LEF1: variants seen among roughly 807,000 people sequenced by gnomAD.
LEF1 encodes the protein lymphoid enhancer binding factor 1, also known as lymphoid enhancer-binding factor 1.
In LEF1, 14 loss-of-function variants were observed where a neutral mutation model predicts 51.2. The ratio of observed to expected loss-of-function variants is 0.27; its 90% confidence interval spans 0.18 to 0.43. The LOEUF (loss-of-function observed/expected upper bound fraction) is 0.43, where lower values mean the gene tolerates loss of function less well. Among genes scored for constraint, LEF1 ranks in the 20% least tolerant of loss-of-function variants. The pLI is 1.00. For synonymous variants in LEF1, 185 were observed against 183.2 expected, an observed-to-expected ratio of 1.01 and a Z score of -0.08; for missense variants, 386 against 512.0, an observed-to-expected ratio of 0.75 and a Z score of 2.37.
At chr4:108,112,661 A>G (rs1431285401) in intron 3 of LEF1, among the ~76,000 whole-genome samples, 1 of 152,214 alleles carries the variant, frequency 6.6e-6, no homozygotes, top group East Asian at 1.9e-4. Context: ...AAGTTCTTAG[A>G]ATGATTTCTG....
intron 11 of LEF1, among the ~76,000 whole-genome samples, chr4:108,059,823 C>G (rs893283670): frequency 1.3e-5 from 2 of 152,124 alleles, no homozygotes; most frequent in Non-Finnish European, 2.9e-5. Flanking sequence ...CCACCTCAGC[C>G]TCGCCAGTAG....
intron 8 of LEF1, among the ~76,000 whole-genome samples, chr4:108,077,958 C>T (rs1048777740): frequency 6.6e-6 from 1 of 152,196 alleles, no homozygotes; most frequent in African/African-American, 2.4e-5. Context: ...GGAGGATCGC[C>T]TGAACCCAGG....
chr4:108,150,709 T>C (rs1328250410), intron 3 of LEF1, among the ~76,000 whole-genome samples: 1 of 152,138 alleles, frequency 6.6e-6, no homozygotes, highest in Non-Finnish European at 1.5e-5. Flanking sequence ...CTTATTAAAC[T>C]CTGGTTGGGA....
At chr4:108,166,244 C>A (rs775226592) in intron 1 of LEF1, 96 of 1,534,762 alleles carry the variant, frequency 6.3e-5, no homozygotes, top group Non-Finnish European at 7.7e-5. Context: ...TGAACGCAGG[C>A]CCCCAGCCTT....
At chr4:108,147,456 GT>G (rs997427956) in intron 3 of LEF1, among the ~76,000 whole-genome samples, 1 of 152,108 alleles carries the variant, frequency 6.6e-6, no homozygotes, top group African/African-American at 2.4e-5. Context: ...AGAGGCCTCT[GT>G]TTTTTCCTTA....
In LEF1 at chr4:108,101,933, G is replaced by A. The variant is rs959117967; in HGVS notation, c.415-12676C>T. Among the ~76,000 whole-genome samples, 7 of 151,944 alleles carry A rather than the reference G, an allele frequency of 4.6e-5. No homozygotes were observed. In the East Asian group the frequency reaches 5.8e-4, roughly 13 times the overall value. On this transcript the variant is annotated intron_variant, in intron 3 of 11. Coordinates refer to ENST00000265165, the MANE Select transcript of LEF1 (RefSeq NM_016269.5). Reference sequence around the variant, plus strand: ...AAATTAGCCAGACATGGTGGCATGCGCCTGTAGTCCCAGCTACTTGGAAGG... The same window carrying A: ...AAATTAGCCAGACATGGTGGCATGCACCTGTAGTCCCAGCTACTTGGAAGG...
chr4:108,116,202 C>A (rs1741833527), intron 3 of LEF1, among the ~76,000 whole-genome samples: 1 of 151,966 alleles, frequency 6.6e-6, no homozygotes, highest in African/African-American at 2.4e-5. Context: ...ACTCAGCTGA[C>A]AGGAAAGAGA....
At chr4:108,101,037 T>G (rs962760584) in intron 3 of LEF1, among the ~76,000 whole-genome samples, 2 of 152,306 alleles carry the variant, frequency 1.3e-5, no homozygotes, top group Non-Finnish European at 2.9e-5. Context: ...CTCTGTCTGG[T>G]TCCTTGCCTT....
chr4:108,157,195 C>T (rs1198849467), intron 3 of LEF1, among the ~76,000 whole-genome samples: 59 of 149,818 alleles, frequency 3.9e-4, no homozygotes, highest in East Asian at 2.5e-3. Flanking sequence ...CACACACACA[C>T]ACACACACAC....
chr4:108,061,611 A>C (rs1200658256), intron 11 of LEF1, among the ~76,000 whole-genome samples: 3 of 150,002 alleles, frequency 2.0e-5, no homozygotes, highest in Non-Finnish European at 4.4e-5. Context: ...GCCATTCCTA[A>C]GTGTTCAGTA....
In LEF1 at chr4:108,082,638, A is replaced by C. The variant is rs543635157; in HGVS notation, c.638+718T>G. On this transcript the variant is annotated intron_variant, in intron 5 of 11. Coordinates refer to ENST00000265165, the MANE Select transcript of LEF1 (RefSeq NM_016269.5). ...TTGGAGAGGGAAGAGTGGAGAGAGC[A>C]TGGGAGTGGGAGGAGGAAATGTTGT... Among the ~76,000 whole-genome samples the C allele has an allele frequency of 2.6e-5, 4 of 152,302 alleles. No individual in the cohort carries two copies. In the East Asian group the frequency reaches 7.7e-4, roughly 29 times the overall value.
intron 3 of LEF1, among the ~76,000 whole-genome samples, chr4:108,091,925 A>T (rs1740051470): frequency 6.6e-6 from 1 of 152,236 alleles, no homozygotes; most frequent in South Asian, 2.1e-4. Context: ...CTCATAAATA[A>T]GCATAATTGC....
chr4:108,061,353 G>C (rs549755437), intron 11 of LEF1, among the ~76,000 whole-genome samples: 63 of 152,136 alleles, frequency 4.1e-4, no homozygotes, highest in African/African-American at 1.5e-3. Flanking sequence ...AAGATGTTTG[G>C]GATACACTTT....
At chr4:108,079,454 C>A in intron 7 of LEF1, 38 bp downstream of exon 7, 1 of 1,610,454 alleles carries the variant, frequency 6.2e-7, no homozygotes, top group Non-Finnish European at 8.5e-7. Context: ...TCCTCAGTAT[C>A]CTAAGGCAAT....
At chr4:108,149,625 GTA>G (rs553191338) in intron 3 of LEF1, among the ~76,000 whole-genome samples, 11 of 146,388 alleles carry the variant, frequency 7.5e-5, no homozygotes, top group Admixed American at 2.1e-4. Context: ...ATATACATGT[GTA>G]TATATATGTA....
At chr4:108,076,711 A>C (rs971419378) in intron 8 of LEF1, among the ~76,000 whole-genome samples, 3 of 152,060 alleles carry the variant, frequency 2.0e-5, no homozygotes, top group African/African-American at 7.2e-5. Context: ...TTATTACCTA[A>C]TCTCCAGGCA....
At chr4:108,103,955 A>G (rs1366010379) in intron 3 of LEF1, among the ~76,000 whole-genome samples, 1 of 152,228 alleles carries the variant, frequency 6.6e-6, no homozygotes, top group Non-Finnish European at 1.5e-5. Flanking sequence ...ATTCACATGA[A>G]TACACATATA....
At chr4:108,117,364 G>A (rs1429304257) in intron 3 of LEF1, among the ~76,000 whole-genome samples, 2 of 152,202 alleles carry the variant, frequency 1.3e-5, no homozygotes, top group Admixed American at 1.3e-4. Flanking sequence ...TAACTATAGT[G>A]TAATTTACCA....
At chr4:108,077,684 A>G (rs6829109) in intron 8 of LEF1, among the ~76,000 whole-genome samples, 30 of 89,710 alleles carry the variant, frequency 3.3e-4, no homozygotes, top group South Asian at 1.7e-3. Flanking sequence ...GCTTCTGCGC[A>G]GCTGCCGCCC....
Sources: gnomAD v4.1 joint callset for allele counts (sites outside exome capture counted in the v4.1 genomes callset) on GRCh38, gnomAD v4.1.1 for gene constraint, MANE v1.5 for transcripts, NCBI Gene and HGNC (gene_info 2026-07-23, HGNC 2026-07-21) for gene names.